ZNF345: variants seen among roughly 807,000 people sequenced by gnomAD.
The protein encoded by ZNF345 is zinc finger protein 345.
For missense variants in ZNF345, 527 were observed against 589.9 expected (o/e 0.89, Z 1.10); for synonymous variants, 166 against 187.9 (o/e 0.88, Z 0.95).
At chr19:36,890,955 G>A (rs2073045096) in intron 3 of ZNF345, 1 of 152,484 alleles carries the variant, frequency 6.6e-6, no homozygotes, top group South Asian at 2.1e-4. Context: ...ATTATGGGTT[G>A]AACTGTATCC....
intron 2 of ZNF345, among the ~76,000 whole-genome samples, chr19:36,858,751 G>A (rs1327255298): frequency 6.6e-6 from 1 of 152,150 alleles, no homozygotes; most frequent in Non-Finnish European, 1.5e-5. Flanking sequence ...AGGCGACAGA[G>A]TAAGATGCTG....
At chr19:36,862,188 T>G (rs2072562604) in intron 2 of ZNF345, among the ~76,000 whole-genome samples, 1 of 152,004 alleles carries the variant, frequency 6.6e-6, no homozygotes, top group Non-Finnish European at 1.5e-5. Context: ...GGACTGGGAG[T>G]ACGTAATCAA....
intron 3 of ZNF345, chr19:36,889,232 A>G (rs1217828503): frequency 6.6e-6 from 1 of 152,008 alleles, no homozygotes; most frequent in African/African-American, 2.4e-5. Flanking sequence ...GTCTATTTTC[A>G]TCAGGGATAT....
chr19:36,852,790 G>T (rs2072313839), intron 2 of ZNF345, among the ~76,000 whole-genome samples: 1 of 151,586 alleles, frequency 6.6e-6, no homozygotes, highest in South Asian at 2.1e-4. Context: ...GGTGTCTAAT[G>T]TTATATTTAA....
At chr19:36,863,355 T>G (rs1456859853) in intron 2 of ZNF345, among the ~76,000 whole-genome samples, 2 of 152,222 alleles carry the variant, frequency 1.3e-5, no homozygotes, top group African/African-American at 4.8e-5. Flanking sequence ...CCCTTTGCAC[T>G]ACTCCAGATG....
chr19:36,869,485 C>T (rs750464596), intron 2 of ZNF345, among the ~76,000 whole-genome samples: 7 of 152,180 alleles, frequency 4.6e-5, no homozygotes, highest in Non-Finnish European at 1.0e-4. Context: ...GGCCACATGA[C>T]TGAACTCAGT....
At chr19:36,879,906 C>T (rs478272), downstream of ZNF345, among the ~76,000 whole-genome samples, 36,306 of 152,084 alleles carry the variant, frequency 0.24, 6,078 homozygotes, top group African/African-American at 0.47. Context: ...CAAGCTTCAT[C>T]TTTATTATTT....
chr19:36,877,521 G>A lies in ZNF345; in HGVS notation c.691G>A (p.Glu231Lys). The change falls in exon 3 of 3, where the codon GAA becomes AAA. Residue 231 changes from glutamate (E) to lysine (K), a missense_variant. Coordinates refer to ENST00000420450, the MANE Select transcript of ZNF345 (RefSeq NM_001242472.2). ...RRIHTGEKPY[E>K]CKACGMAFSS... is the part of the protein sequence containing the mutation. Reference sequence around the variant, plus strand: ...GATTCATACTGGTGAGAAACCTTATGAATGCAAAGCATGTGGAATGGCCTT... The same window carrying A: ...GATTCATACTGGTGAGAAACCTTATAAATGCAAAGCATGTGGAATGGCCTT... 6.2e-7 allele frequency: 1 copy of A among 1,614,186 alleles called. No homozygotes were observed. The highest frequency in any genetic ancestry group is 8.5e-7 in the Non-Finnish European group (1 of 1,180,022).
chr19:36,878,131 C>CTTT lies in ZNF345; in HGVS notation c.1304_1306dup (p.Phe435dup). The CTTT allele has an allele frequency of 6.2e-7, 1 of 1,614,064 alleles. No homozygotes were observed. Among genetic ancestry groups the CTTT allele is most frequent in the Non-Finnish European group, 8.5e-7 (1 of 1,179,992 alleles). ...TATGAATGTAAGGAGTGTGGGAAGGCTTTTTATAGTGGCTCAAGCCTTACT... is the reference window on the plus strand; with the variant it reads ...TATGAATGTAAGGAGTGTGGGAAGGCTTTTTTTTATAGTGGCTCAAGCCTTACT... On this transcript the variant is annotated inframe_insertion, in exon 3 of 3. Transcript: ENST00000420450.
chr19:36,863,230 A>G (rs2072590715), intron 2 of ZNF345, among the ~76,000 whole-genome samples: 1 of 152,208 alleles, frequency 6.6e-6, no homozygotes, highest in South Asian at 2.1e-4. Flanking sequence ...TTATAGGTCT[A>G]TAATGAGGAT....
Position 36,851,856 on chromosome 19 carries a change from C to G in ZNF345, c.-95C>G, listed in dbSNP as rs2072273859. The G allele has an allele frequency of 6.6e-6, 1 of 152,282 alleles. No individual in the cohort carries two copies. The highest frequency in any genetic ancestry group is 1.9e-4 in the East Asian group (1 of 5,174). The allele number at this position is 152,282 out of a possible 1,614,324, so 9.4% of individuals were successfully genotyped here. On this transcript the variant is annotated 5_prime_UTR_variant, in exon 2 of 3. Transcript: ENST00000420450. ...CCTGCCCTGCTTGGATAGAGGCCTC[C>G]GAACAGGAGTAAAGAATGGCTGTTG...
intron 3 of ZNF345, among the ~76,000 whole-genome samples, chr19:36,886,918 C>T (rs2073003130): frequency 6.8e-6 from 1 of 147,618 alleles, no homozygotes; most frequent in South Asian, 2.1e-4. Flanking sequence ...GGCATGAACC[C>T]AAGAGGCGGA....
At chr19:36,863,733 C>T (rs2072603177) in intron 2 of ZNF345, among the ~76,000 whole-genome samples, 1 of 152,170 alleles carries the variant, frequency 6.6e-6, no homozygotes, top group Non-Finnish European at 1.5e-5. Context: ...TAAACCTGGG[C>T]TTATCAGCTT....
Position 36,876,938 on chromosome 19 carries a change from T to C in ZNF345, c.108T>C (p.Ser36=). 1 of 1,614,118 alleles carries C rather than the reference T, an allele frequency of 6.2e-7. No homozygotes were observed. Among genetic ancestry groups the C allele is most frequent in the Middle Eastern group, 1.6e-4 (1 of 6,062 alleles). The change falls in exon 3 of 3, where the codon AGT becomes AGC. Residue 36 remains serine (S), a synonymous_variant. Transcript: ENST00000420450. ...AGGGATCTCAGGAAGGACATTTCAG[T>C]GAAATGATATTTACTCCTGAAGACA... ...RKQGSQEGHF[S]EMIFTPEDMP... is the part of the protein sequence containing the mutation.
intron 3 of ZNF345, chr19:36,891,379 T>TA: frequency 8.7e-7 from 1 of 1,151,878 alleles, no homozygotes; most frequent in Admixed American, 3.1e-5. Context: ...TCGTATCGTT[T>TA]AAAAACGAAT....
chr19:36,865,021 G>A (rs2072629938), intron 2 of ZNF345, among the ~76,000 whole-genome samples: 1 of 152,134 alleles, frequency 6.6e-6, no homozygotes, highest in African/African-American at 2.4e-5. Flanking sequence ...GGTGCTGCTG[G>A]CCACTTTGTA....
intron 3 of ZNF345, among the ~76,000 whole-genome samples, chr19:36,886,213 A>C (rs1472468377): frequency 6.6e-6 from 1 of 152,242 alleles, no homozygotes; most frequent in Non-Finnish European, 1.5e-5. Flanking sequence ...ATTTATGTAG[A>C]TATTCTGCCT....
At chr19:36,892,847 C>T in exon 4 of ZNF345, 5 of 1,075,200 alleles carry the variant, frequency 4.7e-6, no homozygotes, top group Non-Finnish European at 6.0e-6. Context: ...TGAGACCCAG[C>T]TCTGTGTCTC....
chr19:36,855,195 T>G (rs1331921826), intron 2 of ZNF345, among the ~76,000 whole-genome samples: 3 of 144,682 alleles, frequency 2.1e-5, no homozygotes, highest in Non-Finnish European at 4.5e-5. Flanking sequence ...CAGGTTGGAG[T>G]GCAGTGGCGC....
Sources: allele counts gnomAD v4.1 joint callset (sites outside exome capture counted in the v4.1 genomes callset), GRCh38; gene constraint gnomAD v4.1.1; transcripts MANE v1.5; gene names NCBI Gene and HGNC (gene_info 2026-07-23, HGNC 2026-07-21).